ANAPC10: variants seen among roughly 807,000 people sequenced by gnomAD.
The protein encoded by ANAPC10 is anaphase promoting complex subunit 10.
ANAPC10 carries 12 observed loss-of-function variants against 22.0 expected under a neutral mutation model. The ratio of observed to expected loss-of-function variants is 0.55; its 90% CI spans 0.35 to 0.88. The LOEUF is 0.88. ANAPC10 is among the 40% of genes least tolerant of loss of function. The probability of loss-of-function intolerance (pLI) is 0.01; values close to 1 mark genes in which losing one functional copy is unlikely to be tolerated. For synonymous variants in ANAPC10, 65 were observed against 69.5 expected, an observed-to-expected ratio of 0.94 and a Z score of 0.32; for missense variants, 188 against 220.9, an observed-to-expected ratio of 0.85 and a Z score of 0.94.
At chr4:145,064,797 T>C in intron 3 of ANAPC10, 105 bp from the exon 4 acceptor site, 1 of 958,722 alleles carries the variant, frequency 1.0e-6, no homozygotes, top group Non-Finnish European at 1.5e-6. Context: ...AAAGGAGTAT[T>C]TGAATCAACA....
chr4:145,047,857 C>T (rs1457664602), intron 4 of ANAPC10, among the ~76,000 whole-genome samples: 2 of 152,122 alleles, frequency 1.3e-5, no homozygotes, highest in African/African-American at 4.8e-5. Flanking sequence ...TACCTAAATA[C>T]TAAGGTAGAA....
intron 4 of ANAPC10, among the ~76,000 whole-genome samples, chr4:145,029,856 G>C (rs1471341725): frequency 6.6e-6 from 1 of 152,106 alleles, no homozygotes; most frequent in African/African-American, 2.4e-5. Context: ...CCAATGCCTT[G>C]CAAAACAGAT....
At chr4:144,999,568 G>A (rs571717889) in intron 4 of ANAPC10, among the ~76,000 whole-genome samples, 1 of 152,216 alleles carries the variant, frequency 6.6e-6, no homozygotes, top group Non-Finnish European at 1.5e-5. Flanking sequence ...CAAACAAATG[G>A]AAGAACATTC....
At chr4:145,031,807 T>C (rs909996261) in intron 4 of ANAPC10, among the ~76,000 whole-genome samples, 4 of 152,212 alleles carry the variant, frequency 2.6e-5, no homozygotes, top group African/African-American at 9.7e-5. Context: ...TACTCTCCTT[T>C]TGAGAGACAT....
At chr4:145,036,506 C>T (rs1411233589) in intron 4 of ANAPC10, among the ~76,000 whole-genome samples, 2 of 151,974 alleles carry the variant, frequency 1.3e-5, no homozygotes, top group East Asian at 3.9e-4. Flanking sequence ...AGTGCTACTG[C>T]AAATATTTCA....
chr4:145,051,942 T>C (rs955893982), intron 4 of ANAPC10, among the ~76,000 whole-genome samples: 23 of 152,310 alleles, frequency 1.5e-4, no homozygotes, highest in African/African-American at 5.5e-4. Context: ...ATTACTTAGG[T>C]TAACTCCTAC....
At chr4:145,066,171 A>G (rs2126481846) in intron 3 of ANAPC10, among the ~76,000 whole-genome samples, 1 of 152,286 alleles carries the variant, frequency 6.6e-6, no homozygotes, top group Non-Finnish European at 1.5e-5. Flanking sequence ...TAAGGAGACC[A>G]AACTTCTGTA....
chr4:145,025,848 G>T (rs1163784640), intron 4 of ANAPC10, among the ~76,000 whole-genome samples: 1 of 152,144 alleles, frequency 6.6e-6, no homozygotes, highest in Non-Finnish European at 1.5e-5. Context: ...TATGTCTGTA[G>T]TGTAAGGAAT....
upstream of ANAPC10, chr4:145,098,217 G>A (rs534256573): frequency 6.6e-6 from 1 of 152,450 alleles, no homozygotes; most frequent in African/African-American, 2.4e-5. Flanking sequence ...GCTCAATGAC[G>A]TCATATCTCC....
At chr4:145,051,643 T>C (rs1305954387) in intron 4 of ANAPC10, among the ~76,000 whole-genome samples, 1 of 152,122 alleles carries the variant, frequency 6.6e-6, no homozygotes, top group African/African-American at 2.4e-5. Flanking sequence ...GAACTATTCT[T>C]TTTTTTCATG....
intron 4 of ANAPC10, among the ~76,000 whole-genome samples, chr4:145,061,021 G>A (rs115583329): frequency 0.017 from 2,552 of 152,154 alleles, 84 homozygotes; most frequent in African/African-American, 0.057. Context: ...TCCAAAAATT[G>A]TAGTTCCTGA....
rs147407239 is a variant in ANAPC10 at position 145,004,249 on chromosome 4, T to C, written c.328-8646A>G. 3.6e-3 allele frequency among the ~76,000 whole-genome samples: 546 copies of C among 152,212 alleles called. 1 individual carries two copies. Among genetic ancestry groups the C allele is most frequent in the South Asian group, 0.014 (68 of 4,824 alleles). On this transcript the variant is annotated intron_variant, in intron 4 of 4. Coordinates refer to ENST00000507656, the MANE Select transcript of ANAPC10 (RefSeq NM_001256706.2). ...TCAAGGAGCTTTGGGGCAGAGTAAC[T>C]ATGGTGTTTGTGTAGGTCTAGCATC...
intron 2 of ANAPC10, among the ~76,000 whole-genome samples, chr4:145,088,045 C>G (rs1579163408): frequency 6.6e-6 from 1 of 152,224 alleles, no homozygotes; most frequent in East Asian, 1.9e-4. Context: ...GAGACTCCAC[C>G]TCAAAGAATA....
chr4:145,016,955 T>C (rs1422565582), intron 4 of ANAPC10, among the ~76,000 whole-genome samples: 1 of 152,184 alleles, frequency 6.6e-6, no homozygotes, highest in Non-Finnish European at 1.5e-5. Flanking sequence ...CCTTACACCT[T>C]ACACAAAAAT....
intron 2 of ANAPC10, among the ~76,000 whole-genome samples, chr4:145,084,917 G>A (rs968982528): frequency 5.3e-5 from 8 of 151,830 alleles, no homozygotes; most frequent in Non-Finnish European, 7.4e-5. Context: ...CCTTTTAAAC[G>A]TAGCTACTAT....
At chr4:145,044,496 C>G (rs534357142) in intron 4 of ANAPC10, among the ~76,000 whole-genome samples, 1 of 152,228 alleles carries the variant, frequency 6.6e-6, no homozygotes, top group African/African-American at 2.4e-5. Context: ...CACCATGACC[C>G]ACCTCCACCC....
At chr4:145,052,284 T>C (rs1366796712) in intron 4 of ANAPC10, among the ~76,000 whole-genome samples, 2 of 152,214 alleles carry the variant, frequency 1.3e-5, no homozygotes, top group Non-Finnish European at 1.5e-5. Context: ...ATGACATATA[T>C]GTGAGGTATT....
chr4:145,008,380 C>A (rs1392567374), intron 4 of ANAPC10, among the ~76,000 whole-genome samples: 1 of 152,100 alleles, frequency 6.6e-6, no homozygotes, highest in Non-Finnish European at 1.5e-5. Flanking sequence ...ACAGACACAA[C>A]AAGAAAAGAG....
intron 3 of ANAPC10, among the ~76,000 whole-genome samples, chr4:145,079,185 A>C (rs1745601927): frequency 6.6e-6 from 1 of 152,170 alleles, no homozygotes; most frequent in Admixed American, 6.5e-5. Context: ...AATTTACAAG[A>C]AAAAAGCAAC....
Sources: gnomAD v4.1 joint callset for allele counts (sites outside exome capture counted in the v4.1 genomes callset) on GRCh38, gnomAD v4.1.1 for gene constraint, MANE v1.5 for transcripts, NCBI Gene and HGNC (gene_info 2026-07-23, HGNC 2026-07-21) for gene names.